The following FBXO36 variants were observed in gnomAD, a reference collection of about 807,000 sequenced individuals.
FBXO36 encodes the protein F-box protein 36, also known as F-box only protein 36.
Under a neutral mutation model 17.0 loss-of-function variants are expected in FBXO36, and 18 were observed. That is an observed-to-expected ratio of 1.06 (90% confidence interval 0.73 to 1.57). The LOEUF (loss-of-function observed/expected upper bound fraction) is 1.57. Ranked by LOEUF, FBXO36 falls within the 40% of genes most tolerant of loss-of-function variation. The probability of loss-of-function intolerance (pLI) is 0.00; values close to 1 mark genes in which losing one functional copy is unlikely to be tolerated. For missense variants in FBXO36, 229 were observed against 221.9 expected, an observed-to-expected ratio of 1.03 and a Z score of -0.20; for synonymous variants, 83 against 85.3, an observed-to-expected ratio of 0.97 and a Z score of 0.15.
chr2:229,928,335 T>A (rs977225240), intron 1 of FBXO36, among the ~76,000 whole-genome samples: 3 of 152,206 alleles, frequency 2.0e-5, no homozygotes, highest in African/African-American at 7.2e-5. Context: ...TTTAAATAAA[T>A]GTTAGTGAGG....
At chr2:229,963,109 A>AG (rs2077132288) in intron 1 of FBXO36, among the ~76,000 whole-genome samples, 1 of 151,786 alleles carries the variant, frequency 6.6e-6, no homozygotes, top group African/African-American at 2.4e-5. Flanking sequence ...CCTGTCGCCC[A>AG]GGCTGGAGTG....
chr2:229,940,058 C>G (rs1177115911), intron 1 of FBXO36, among the ~76,000 whole-genome samples: 4 of 151,888 alleles, frequency 2.6e-5, no homozygotes, highest in Non-Finnish European at 5.9e-5. Flanking sequence ...GCAGCCTGCT[C>G]CGCTGGAGTG....
chr2:229,924,677 G>A (rs937602100), intron 1 of FBXO36, among the ~76,000 whole-genome samples: 1 of 151,710 alleles, frequency 6.6e-6, no homozygotes, highest in Non-Finnish European at 1.5e-5. Flanking sequence ...GTGCTCCCTG[G>A]CATTCGGCTT....
intron 1 of FBXO36, among the ~76,000 whole-genome samples, chr2:229,941,964 T>C (rs2077001669): frequency 6.6e-6 from 1 of 151,320 alleles, no homozygotes; most frequent in Non-Finnish European, 1.5e-5. Context: ...TGCAGTCAGC[T>C]GAGATTATGC....
chr2:229,938,109 A>G (rs2076974811), intron 1 of FBXO36, among the ~76,000 whole-genome samples: 1 of 151,890 alleles, frequency 6.6e-6, no homozygotes, highest in Non-Finnish European at 1.5e-5. Flanking sequence ...CTGAGATTAC[A>G]GGCACCTGCT....
At chr2:229,944,140 TTTC>T (rs2077014336) in intron 1 of FBXO36, among the ~76,000 whole-genome samples, 1 of 152,194 alleles carries the variant, frequency 6.6e-6, no homozygotes. Context: ...TAAAGCCTCT[TTTC>T]TTTATAAATT....
chr2:229,992,193 C>G (rs892767954), intron 2 of FBXO36, among the ~76,000 whole-genome samples: 62 of 151,098 alleles, frequency 4.1e-4, no homozygotes, highest in African/African-American at 1.5e-3. Flanking sequence ...GAGTCTTACT[C>G]TGTTGTCCAG....
chr2:229,964,879 G>A (rs1303427236), intron 1 of FBXO36, among the ~76,000 whole-genome samples: 1 of 152,128 alleles, frequency 6.6e-6, no homozygotes, highest in Non-Finnish European at 1.5e-5. Context: ...GTACTTACCT[G>A]TTTACCAGTT....
At chr2:229,986,448 A>G (rs1328077576) in intron 2 of FBXO36, among the ~76,000 whole-genome samples, 3 of 152,110 alleles carry the variant, frequency 2.0e-5, no homozygotes, top group Admixed American at 2.0e-4. Context: ...GGCTGCTGTG[A>G]TTGTGCTACT....
intron 3 of FBXO36, among the ~76,000 whole-genome samples, chr2:230,006,903 C>T (rs1242824215): frequency 2.0e-5 from 3 of 152,176 alleles, no homozygotes; most frequent in African/African-American, 7.2e-5. Context: ...CCAGGGAGTC[C>T]ATGGTGCTAT....
chr2:229,998,626 A>C (rs2077340463), intron 3 of FBXO36, among the ~76,000 whole-genome samples: 1 of 148,550 alleles, frequency 6.7e-6, no homozygotes, highest in African/African-American at 2.5e-5. Flanking sequence ...CAGTCTCAGA[A>C]AAAAAAAAAA....
chr2:229,950,752 C>CTTT (rs71049605), intron 1 of FBXO36, among the ~76,000 whole-genome samples: 7 of 75,072 alleles, frequency 9.3e-5, no homozygotes, highest in African/African-American at 2.8e-4. Flanking sequence ...CTTCAGGCTA[C>CTTT]TTTTTTTTTT....
At chr2:229,969,459 C>T (rs1302277333) in intron 1 of FBXO36, among the ~76,000 whole-genome samples, 4 of 151,660 alleles carry the variant, frequency 2.6e-5, no homozygotes, top group Non-Finnish European at 4.4e-5. Flanking sequence ...GAGGCTGAGG[C>T]GGGTGGATCA....
intron 1 of FBXO36, among the ~76,000 whole-genome samples, chr2:229,961,563 A>G (rs931008225): frequency 6.6e-6 from 1 of 151,948 alleles, no homozygotes; most frequent in Non-Finnish European, 1.5e-5. Context: ...TTTAGTAGAG[A>G]CGGGGTTTCA....
chr2:229,935,279 G>C (rs758475300), intron 1 of FBXO36, among the ~76,000 whole-genome samples: 5 of 152,162 alleles, frequency 3.3e-5, no homozygotes, highest in Non-Finnish European at 7.4e-5. Flanking sequence ...AATCATAAGA[G>C]TCTCAGATGC....
intron 1 of FBXO36, among the ~76,000 whole-genome samples, chr2:229,959,657 A>G (rs552107265): frequency 3.4e-4 from 52 of 152,246 alleles, no homozygotes; most frequent in African/African-American, 1.2e-3. Flanking sequence ...CATCCTGGCT[A>G]ACATGGTGAA....
intron 1 of FBXO36, among the ~76,000 whole-genome samples, chr2:229,931,424 C>T (rs868554040): frequency 7.2e-5 from 11 of 152,196 alleles, no homozygotes; most frequent in Middle Eastern, 3.2e-3. Context: ...TCCTTTCATT[C>T]CTCCTGCAGT....
At chr2:229,939,058 G>GTTT (rs199897011) in intron 1 of FBXO36, 41 of 115,638 alleles carry the variant, frequency 3.5e-4, no homozygotes, top group East Asian at 7.8e-4. Context: ...TTTGTTTTTT[G>GTTT]TTTTTTTTTT....
At chr2:229,957,814 C>A (rs541356016) in intron 1 of FBXO36, among the ~76,000 whole-genome samples, 2 of 152,296 alleles carry the variant, frequency 1.3e-5, no homozygotes, top group South Asian at 4.1e-4. Context: ...CCTCATTCCC[C>A]GCCAGGAGAT....
Sources: gnomAD v4.1 joint callset for allele counts (sites outside exome capture counted in the v4.1 genomes callset) on GRCh38, gnomAD v4.1.1 for gene constraint, MANE v1.5 for transcripts, NCBI Gene and HGNC (gene_info 2026-07-23, HGNC 2026-07-21) for gene names.